The following CACNA2D4 variants were observed in gnomAD, a reference collection of about 807,000 sequenced individuals.
CACNA2D4 encodes the protein calcium voltage-gated channel auxiliary subunit alpha2delta 4.
Under a neutral mutation model 163.8 loss-of-function variants are expected in CACNA2D4, and 157 were observed. The observed-to-expected ratio is 0.96, with a 90% CI of 0.84 to 1.09. The LOEUF is 1.09. CACNA2D4 is among the 50% of genes least tolerant of loss of function. CACNA2D4 has a pLI of 0.00. For synonymous variants in CACNA2D4, 598 were observed against 586.9 expected, an observed-to-expected ratio of 1.02 and a Z score of -0.27; for missense variants, 1,410 against 1,479.9, an observed-to-expected ratio of 0.95 and a Z score of 0.78.
chr12:1,813,960 C>T (rs1236593785), intron 26 of CACNA2D4, among the ~76,000 whole-genome samples: 1 of 152,158 alleles, frequency 6.6e-6, no homozygotes, highest in East Asian at 1.9e-4. Flanking sequence ...TCCTTCTTTT[C>T]CCTTATAAGA....
At chr12:1,837,671 G>A (rs1864913377) in intron 26 of CACNA2D4, among the ~76,000 whole-genome samples, 1 of 152,150 alleles carries the variant, frequency 6.6e-6, no homozygotes, top group Admixed American at 6.5e-5. Flanking sequence ...GGTCCCCCGG[G>A]AGTTCAGCTC....
chr12:1,884,807 G>A lies in CACNA2D4; in HGVS notation c.1233C>T (p.Tyr411=), dbSNP rs371892188. ...MLISDGAVED[Y]EPVFEKYNWP... ...AGTTATACTTCTCAAACACCGGCTC[G>A]TAGTCCTCCACGGCGCCGTCGCTGA... The change falls in exon 11 of 38, where the codon TAC becomes TAT. Residue 411 remains tyrosine, a synonymous_variant. Transcript: ENST00000382722. 3.8e-5 allele frequency: 61 copies of A among 1,613,344 alleles called. No individual in the cohort carries two copies. Among genetic ancestry groups the A allele is most frequent in the Non-Finnish European group, 4.5e-5 (53 of 1,179,722 alleles).
At chr12:1,848,370 T>C (rs1256647658) in intron 23 of CACNA2D4, among the ~76,000 whole-genome samples, 1 of 152,244 alleles carries the variant, frequency 6.6e-6, no homozygotes, top group East Asian at 1.9e-4. Context: ...TTCAGCCTGC[T>C]CTGTGTCCCC....
At chr12:1,912,361 C>T (rs1866845835) in intron 3 of CACNA2D4, among the ~76,000 whole-genome samples, 1 of 152,220 alleles carries the variant, frequency 6.6e-6, no homozygotes, top group Non-Finnish European at 1.5e-5. Context: ...CCATAGGCCT[C>T]AGTGCAGACA....
chr12:1,797,531 G>T lies in CACNA2D4; in HGVS notation c.3000C>A (p.His1000Gln). The T allele has an allele frequency of 6.4e-7, 1 of 1,560,912 alleles. No individual in the cohort carries two copies. The stretch of plus-strand genomic sequence containing the variant: ...GCAGCGGGTCCTGCTTCTTGTGTTT[G>T]TGGGCTGCGGGCGGAGAAAGGACAT... Reference protein sequence around the residue: ...AEAKSVFHHSHKHKKQDPLQP... With the variant: ...AEAKSVFHHSQKHKKQDPLQP... Residue 1000 changes from histidine (H) to glutamine (Q), a missense_variant, in exon 35 of 38, where the codon CAC becomes CAA. Transcript: ENST00000382722.
At chr12:1,837,228 G>A (rs536768901) in intron 26 of CACNA2D4, among the ~76,000 whole-genome samples, 190 of 152,356 alleles carry the variant, frequency 1.2e-3, no homozygotes, top group South Asian at 1.4e-3. Context: ...GCTGCCGCAC[G>A]GTGGGAGGGG....
chr12:1,898,996 G>A (rs1198782107), intron 6 of CACNA2D4, among the ~76,000 whole-genome samples: 1 of 152,082 alleles, frequency 6.6e-6, no homozygotes, highest in Non-Finnish European at 1.5e-5. Flanking sequence ...TTTGGAGATG[G>A]ATGGTGGTGA....
At position 1,834,208 on chromosome 12, in the gene CACNA2D4, G is replaced by A; in HGVS notation, c.2551+6531C>T. The A allele has an allele frequency of 6.6e-7, 1 of 1,508,268 alleles. No homozygotes were observed. Among genetic ancestry groups the A allele is most frequent in the Non-Finnish European group, 8.9e-7 (1 of 1,128,748 alleles). The allele number at this position is 1,508,268 out of a possible 1,614,324, so 93.4% of individuals were successfully genotyped here. ...TCCGTTTTGGGGAGCTGGGGATGGG[G>A]AGAGGGAGTGCAAGTTCTAGATGCC... On this transcript the variant is annotated intron_variant, in intron 26 of 37. Transcript: ENST00000382722. This position sits in a 1 kb window ranked among gnomAD's most constrained non-coding sequence, Gnocchi z 7.6.
chr12:1,796,051 A>G, intron 35 of CACNA2D4: 2 of 477,968 alleles, frequency 4.2e-6, no homozygotes, highest in South Asian at 2.4e-5. Context: ...GAGAGTGCAG[A>G]GTTGCTATTA....
rs768093404 is a variant in CACNA2D4, at chr12:1,869,467, G to A, written c.1878+5137C>T. Among the ~76,000 whole-genome samples the A allele has an allele frequency of 1.5e-4, 23 of 152,224 alleles. No homozygotes were observed. Among genetic ancestry groups the A allele is most frequent in the East Asian group, 5.8e-4 (3 of 5,202 alleles). ...GCTCCTCATGGAAGGCACTGGCTCC[G>A]TCTGCGGGTCATCTGCCATCCTGAT... On this transcript the variant is annotated intron_variant, in intron 18 of 37. Coordinates refer to ENST00000382722, the MANE Select transcript of CACNA2D4 (RefSeq NM_172364.5). The surrounding 1 kb of genome is among the most constrained non-coding windows in gnomAD (Gnocchi z 4.7).
At position 1,831,386 on chromosome 12, in the gene CACNA2D4, C is replaced by T. The variant is rs369620928; in HGVS notation, c.2551+9353G>A. On this transcript the variant is annotated intron_variant, in intron 26 of 37. Transcript: ENST00000382722. ...CTCTGCGCTCCCTCTCGCTTCGCTC[C>T]AACCGTCTGCAGAATCTGGACCGGC... The T allele has an allele frequency of 3.0e-5, 49 of 1,613,984 alleles. No individual in the cohort carries two copies. In the African/African-American group the frequency reaches 6.5e-4, roughly 22 times the overall value.
At chr12:1,899,890 C>A (rs973836007) in intron 6 of CACNA2D4, among the ~76,000 whole-genome samples, 2 of 151,936 alleles carry the variant, frequency 1.3e-5, no homozygotes, top group Middle Eastern at 3.4e-3. Flanking sequence ...ATTAATAAAC[C>A]AAATCTAGTA....
At chr12:1,840,692 C>T in intron 26 of CACNA2D4, 47 bp downstream of exon 26, 1 of 1,519,946 alleles carries the variant, frequency 6.6e-7, no homozygotes, top group Non-Finnish European at 9.1e-7. Flanking sequence ...TTGCTCTTTA[C>T]ACTGTCCCCA....
rs1242680719 is a variant in CACNA2D4 at position 1,869,209 on chromosome 12, T to C, written c.1878+5395A>G. Among the ~76,000 whole-genome samples, 4 of 152,350 alleles carry C rather than the reference T, an allele frequency of 2.6e-5. No individual in the cohort carries two copies. In the East Asian group the frequency reaches 7.7e-4, roughly 29 times the overall value. ...CTACACTTCCAGACTCAATGCCCAG[T>C]GTGGTTTCGAGTCAGGGTCAGCCAA... On this transcript the variant is annotated intron_variant, in intron 18 of 37. Transcript: ENST00000382722. The surrounding 1 kb of genome is among the most constrained non-coding windows in gnomAD (Gnocchi z 4.7).
At chr12:1,842,454 G>T (rs1179654314) in intron 25 of CACNA2D4, among the ~76,000 whole-genome samples, 3 of 152,188 alleles carry the variant, frequency 2.0e-5, no homozygotes, top group African/African-American at 7.2e-5. Flanking sequence ...CTTTTGGGGT[G>T]GAAGGGAGTG....
intron 22 of CACNA2D4, 63 bp downstream of exon 22, chr12:1,855,949 G>T: frequency 1.5e-6 from 2 of 1,308,556 alleles, no homozygotes; most frequent in Non-Finnish European, 2.2e-6. Context: ...ACCTCTCCTG[G>T]CAAAGTCCTG....
In CACNA2D4 at chr12:1,829,035, T is replaced by G. The variant is rs924740323; in HGVS notation, c.2551+11704A>C. ...CACGGGCAGCCTGAATTATTCACCA[T>G]GTGAGAGAGGCTGGCCCCTGAGTGA... On this transcript the variant is annotated intron_variant, in intron 26 of 37. Coordinates refer to ENST00000382722, the MANE Select transcript of CACNA2D4 (RefSeq NM_172364.5). This position sits in a 1 kb window ranked among gnomAD's most constrained non-coding sequence, Gnocchi z 4.2. Among the ~76,000 whole-genome samples, 1 of 152,244 alleles carries G rather than the reference T, an allele frequency of 6.6e-6. No homozygotes were observed. The highest frequency in any genetic ancestry group is 1.5e-5 in the Non-Finnish European group (1 of 68,038).
rs985326364 is a variant in CACNA2D4 at position 1,818,257 on chromosome 12, A to C, written c.2552-6534T>G. On this transcript the variant is annotated intron_variant, in intron 26 of 37. Coordinates refer to ENST00000382722, the MANE Select transcript of CACNA2D4 (RefSeq NM_172364.5). Reference sequence around the variant, plus strand: ...GAGCCCCTCTGCCCGGCCACCACCCAGTCTGGGAGGTGTGCCCAACAGCTC... The same window carrying C: ...GAGCCCCTCTGCCCGGCCACCACCCCGTCTGGGAGGTGTGCCCAACAGCTC... Among the ~76,000 whole-genome samples, 78 of 149,324 alleles carry C rather than the reference A, an allele frequency of 5.2e-4. 1 individual carries two copies. Among genetic ancestry groups the C allele is most frequent in the Middle Eastern group, 6.9e-3 (2 of 290 alleles).
At position 1,802,585 on chromosome 12, in the gene CACNA2D4, T is replaced by C. The variant is rs1863376102; in HGVS notation, c.2722-941A>G. Among the ~76,000 whole-genome samples, 1 of 152,192 alleles carries C rather than the reference T, an allele frequency of 6.6e-6. No individual in the cohort carries two copies. The highest frequency in any genetic ancestry group is 2.4e-5 in the African/African-American group (1 of 41,452). On this transcript the variant is annotated intron_variant, in intron 29 of 37. Coordinates refer to ENST00000382722, the MANE Select transcript of CACNA2D4 (RefSeq NM_172364.5). The surrounding 1 kb of genome is among the most constrained non-coding windows in gnomAD (Gnocchi z 4.7). ...TCCCAGCATGTCAGGGTGGCAGAGC[T>C]TGGGCTTTGGTGTTGGATTTCGACT...
Sources: gnomAD v4.1 joint callset for allele counts (sites outside exome capture counted in the v4.1 genomes callset) on GRCh38, gnomAD v4.1.1 for gene constraint, Gnocchi (gnomAD v3.1) non-coding constraint, MANE v1.5 for transcripts, NCBI Gene and HGNC (gene_info 2026-07-23, HGNC 2026-07-21) for gene names.